Variants in MORC1 observed in about 807,000 individuals in gnomAD.
MORC1 encodes the protein MORC family CW-type zinc finger protein 1.
In MORC1, 59 loss-of-function variants were observed where a neutral mutation model predicts 134.9. That is an observed-to-expected ratio of 0.44 (90% CI 0.35 to 0.54). The LOEUF is 0.54. Ranked by LOEUF, MORC1 falls within the 20% of genes least tolerant of loss-of-function variation. The pLI is 0.00. For missense variants in MORC1, 947 were observed against 1,134.5 expected, an observed-to-expected ratio of 0.83 and a Z score of 2.37; for synonymous variants, 395 against 391.7, an observed-to-expected ratio of 1.01 and a Z score of -0.10.
At chr3:109,043,726 G>C (rs542007482) in intron 14 of MORC1, among the ~76,000 whole-genome samples, 2 of 152,096 alleles carry the variant, frequency 1.3e-5, no homozygotes, top group Non-Finnish European at 2.9e-5. Flanking sequence ...TTATAATTCT[G>C]CATGTCTTCA....
intron 13 of MORC1, among the ~76,000 whole-genome samples, chr3:109,057,024 A>G (rs1315456854): frequency 1.3e-5 from 2 of 152,228 alleles, no homozygotes; most frequent in African/African-American, 4.8e-5. Flanking sequence ...TGTATTTAAT[A>G]AGCTCGTATT....
chr3:109,020,659 G>A (rs935094985), intron 17 of MORC1, among the ~76,000 whole-genome samples: 2 of 151,450 alleles, frequency 1.3e-5, no homozygotes, highest in Non-Finnish European at 2.9e-5. Context: ...CCAGCTACTC[G>A]GGAGGCTGAG....
At chr3:109,000,511 G>A in intron 21 of MORC1, 46 bp downstream of exon 21, 1 of 1,388,160 alleles carries the variant, frequency 7.2e-7, no homozygotes, top group South Asian at 1.3e-5. Flanking sequence ...TAATCTTTGT[G>A]AATATGAAAA....
intron 8 of MORC1, among the ~76,000 whole-genome samples, chr3:109,086,516 G>A (rs977510764): frequency 1.3e-5 from 2 of 151,918 alleles, no homozygotes; most frequent in African/African-American, 4.8e-5. Flanking sequence ...GCCCTGGTTC[G>A]CGTCCTGGTT....
intron 1 of MORC1, among the ~76,000 whole-genome samples, chr3:109,115,984 C>T (rs556242575): frequency 1.4e-4 from 21 of 152,202 alleles, no homozygotes; most frequent in African/African-American, 4.8e-4. Flanking sequence ...TTGCAGAGTA[C>T]GGTAGAAACT....
At chr3:109,098,718 C>G (rs776684196) in intron 6 of MORC1, among the ~76,000 whole-genome samples, 8 of 152,120 alleles carry the variant, frequency 5.3e-5, no homozygotes, top group Non-Finnish European at 1.2e-4. Flanking sequence ...ACTTTTTTAT[C>G]CAATTCATAT....
At chr3:109,092,758 T>C (rs1260998683) in intron 8 of MORC1, among the ~76,000 whole-genome samples, 3 of 152,192 alleles carry the variant, frequency 2.0e-5, no homozygotes, top group African/African-American at 7.2e-5. Context: ...ATATTTCTAT[T>C]GTACAACACT....
intron 26 of MORC1, among the ~76,000 whole-genome samples, chr3:108,969,276 C>T (rs1274348283): frequency 6.6e-6 from 1 of 152,092 alleles, no homozygotes; most frequent in Non-Finnish European, 1.5e-5. Context: ...GGAAAAATCA[C>T]TAACTTAAAA....
chr3:109,063,243 C>A lies in MORC1; in HGVS notation c.816-12G>T. On this transcript the variant is annotated splice_polypyrimidine_tract_variant and intron_variant, in intron 9 of 27. Coordinates refer to ENST00000232603, the MANE Select transcript of MORC1 (RefSeq NM_014429.4). ...CATAAAGATACTTTCTGGAAAGAAA[C>A]AAAAAGAACATAATCAAGTCAGATT... 1.3e-6 allele frequency: 2 copies of A among 1,495,224 alleles called. No homozygotes were observed. Among genetic ancestry groups the A allele is most frequent in the Non-Finnish European group, 9.3e-7 (1 of 1,077,954 alleles). The allele number at this position is 1,495,224 out of a possible 1,614,324, so 92.6% of individuals were successfully genotyped here.
chr3:109,040,968 C>A (rs1437495610), intron 14 of MORC1, among the ~76,000 whole-genome samples: 6 of 151,212 alleles, frequency 4.0e-5, no homozygotes, highest in African/African-American at 1.5e-4. Context: ...AATACTGTAA[C>A]TGAAATTTAA....
intron 21 of MORC1, among the ~76,000 whole-genome samples, chr3:108,992,175 T>G (rs536597519): frequency 1.3e-5 from 2 of 152,288 alleles, no homozygotes; most frequent in South Asian, 2.1e-4. Flanking sequence ...CAGACACAAT[T>G]TTAGTATTTC....
At chr3:109,085,100 A>C (rs1447681570) in intron 8 of MORC1, among the ~76,000 whole-genome samples, 5 of 151,720 alleles carry the variant, frequency 3.3e-5, no homozygotes, top group African/African-American at 1.2e-4. Flanking sequence ...ATCTGGGCAA[A>C]GGGGTGTGTC....
At chr3:109,024,084 A>C (rs577963815) in intron 17 of MORC1, among the ~76,000 whole-genome samples, 1 of 152,346 alleles carries the variant, frequency 6.6e-6, no homozygotes, top group Admixed American at 6.5e-5. Flanking sequence ...CAGGTGACAG[A>C]TCTTGAATTT....
At chr3:109,099,304 T>C (rs115074119) in intron 6 of MORC1, 54 bp downstream of exon 6, 12,863 of 1,277,672 alleles carry the variant, frequency 0.01, 100 homozygotes, top group Non-Finnish European at 0.012. Context: ...CCTGAGAGAG[T>C]AAATGAAAGC....
chr3:109,079,156 T>G (rs983784044), intron 8 of MORC1, among the ~76,000 whole-genome samples: 5 of 151,992 alleles, frequency 3.3e-5, no homozygotes, highest in Non-Finnish European at 5.9e-5. Context: ...CAATACTAAA[T>G]AAGGAAATGA....
In MORC1 at chr3:109,045,720, C is replaced by T. The variant is rs145769240; in HGVS notation, c.1330+9008G>A. 2.0e-3 allele frequency among the ~76,000 whole-genome samples: 312 copies of T among 152,260 alleles called. 3 individuals carry two copies. The highest frequency in any genetic ancestry group is 7.0e-3 in the African/African-American group (292 of 41,548). ...CTTGGCTCCTGGGTATGGTGGCATG[C>T]GGTTGTGCTAGTCTCATGTTATGAG... On this transcript the variant is annotated intron_variant, in intron 14 of 27. Transcript: ENST00000232603.
At chr3:109,040,994 T>C (rs11920839) in intron 14 of MORC1, among the ~76,000 whole-genome samples, 39,082 of 151,740 alleles carry the variant, frequency 0.26, 5,234 homozygotes, top group Middle Eastern at 0.43. Flanking sequence ...ACTAGAGGGA[T>C]ACAGAGTCAG....
At chr3:109,086,375 T>C (rs1039451619) in intron 8 of MORC1, among the ~76,000 whole-genome samples, 5 of 152,042 alleles carry the variant, frequency 3.3e-5, no homozygotes, top group Admixed American at 6.6e-5. Context: ...CAATATACTC[T>C]TTTAAAGTTA....
chr3:109,019,348 G>A (rs1190516922), intron 17 of MORC1, among the ~76,000 whole-genome samples: 2 of 152,030 alleles, frequency 1.3e-5, no homozygotes, highest in African/African-American at 4.8e-5. Flanking sequence ...TTCCAAACCT[G>A]CCCACTATAG....
Sources: allele counts gnomAD v4.1 joint callset (sites outside exome capture counted in the v4.1 genomes callset), GRCh38; gene constraint gnomAD v4.1.1; transcripts MANE v1.5; gene names NCBI Gene and HGNC (gene_info 2026-07-23, HGNC 2026-07-21).